SEC22B: variants seen among roughly 807,000 people sequenced by gnomAD.
SEC22B encodes vesicle-trafficking protein SEC22b.
SEC22B carries 10 observed loss-of-function variants against 31.4 expected under a neutral mutation model. The ratio of observed to expected loss-of-function variants is 0.32; its 90% CI spans 0.20 to 0.54. The LOEUF (loss-of-function observed/expected upper bound fraction) is 0.54, where lower values mean the gene tolerates loss of function less well. Ranked by LOEUF, SEC22B falls within the 20% of genes least tolerant of loss-of-function variation. The pLI is 0.94. For missense variants in SEC22B, 130 were observed against 263.4 expected, an observed-to-expected ratio of 0.49 and a Z score of 3.50; for synonymous variants, 60 against 95.9, an observed-to-expected ratio of 0.63 and a Z score of 2.19.
intron 2 of SEC22B, among the ~76,000 whole-genome samples, chr1:120,167,448 T>C: frequency 6.6e-6 from 1 of 152,048 alleles, no homozygotes; most frequent in Non-Finnish European, 1.5e-5. Flanking sequence ...CTGTTCATTT[T>C]CATATGTTCA....
rs1321292441 is a variant in SEC22B, at chr1:120,152,073, T to C, written c.*4965A>G. Reference sequence around the variant, plus strand: ...AACAGATATATATGAAGCAAAAAACTTGGGCCCAAAAAACAAGTTTGAAGG... The same window carrying C: ...AACAGATATATATGAAGCAAAAAACCTGGGCCCAAAAAACAAGTTTGAAGG... On this transcript the variant is annotated 3_prime_UTR_variant, in exon 5 of 5. Transcript: ENST00000578049. 1.3e-5 allele frequency: 2 copies of C among 152,196 alleles called. No homozygotes were observed. The highest frequency in any genetic ancestry group is 6.5e-5 in the Admixed American group (1 of 15,274). The allele number at this position is 152,196 out of a possible 1,614,324, so 9.4% of individuals were successfully genotyped here.
chr1:120,176,252 G>A, intron 1 of SEC22B, 55 bp downstream of exon 1: 1 of 1,550,228 alleles, frequency 6.5e-7, no homozygotes, highest in Non-Finnish European at 8.8e-7. Flanking sequence ...CCGATGCTGA[G>A]GGCAAAGCGC....
intron 2 of SEC22B, among the ~76,000 whole-genome samples, chr1:120,165,605 G>C (rs1325117708): frequency 6.6e-6 from 1 of 151,966 alleles, no homozygotes. Context: ...TTTAGTTTAA[G>C]TAGGAGTTTG....
Position 120,163,288 on chromosome 1 carries a change from C to G in SEC22B, c.268G>C (p.Asp90His), listed in dbSNP as rs1657748941. The stretch of plus-strand genomic sequence containing the variant: ...TGTTCATCAAATTCTGAGTGCAAAT[C>G]TTCTAGGTAGGCAAAAGCCAACTTC... Reference protein sequence around the residue: ...PKKLAFAYLEDLHSEFDEQHG... With the variant: ...PKKLAFAYLEHLHSEFDEQHG... Residue 90 changes from aspartate (D) to histidine (H), a missense_variant, in exon 3 of 5, where the codon GAT becomes CAT. Around this residue, in one of 4 missense-constraint regions of SEC22B, gnomAD observed 41 missense variants for 124.9 expected, o/e 0.33. Coordinates refer to ENST00000578049, the MANE Select transcript of SEC22B (RefSeq NM_004892.6). 1 of 1,601,536 alleles carries G rather than the reference C, an allele frequency of 6.2e-7. No individual in the cohort carries two copies. Among genetic ancestry groups the G allele is most frequent in the African/African-American group, 1.4e-5 (1 of 73,502 alleles).
At position 120,163,041 on chromosome 1, in the gene SEC22B, C is replaced by A. The variant is rs1416036734; in HGVS notation, c.346+169G>T. Among the ~76,000 whole-genome samples the A allele has an allele frequency of 2.0e-5, 3 of 152,044 alleles. No homozygotes were observed. In the South Asian group the frequency reaches 6.2e-4, roughly 31 times the overall value. On this transcript the variant is annotated intron_variant, in intron 3 of 4. Coordinates refer to ENST00000578049, the MANE Select transcript of SEC22B (RefSeq NM_004892.6). ...GAGAAAATTACTTTTCAGAACAAAG[C>A]CTTAGTCACTCAAAAAGACAAAAAG... is the stretch of plus-strand genomic sequence containing the variant.
chr1:120,165,851 G>A (rs1192434606), intron 2 of SEC22B, among the ~76,000 whole-genome samples: 3 of 150,248 alleles, frequency 2.0e-5, no homozygotes, highest in Admixed American at 6.6e-5. Flanking sequence ...TCTACTTTAA[G>A]TTGATTTTTG....
intron 1 of SEC22B, among the ~76,000 whole-genome samples, chr1:120,175,847 T>C (rs1286188729): frequency 9.8e-5 from 15 of 152,330 alleles, no homozygotes; most frequent in Non-Finnish European, 1.8e-4. Flanking sequence ...TAACAGGTGC[T>C]TTTATGTGGC....
rs1156557680 is a variant in SEC22B, at chr1:120,154,188, A to G, written c.*2850T>C. ...TCCTCATTGTTAAATTCGAAAATAC[A>G]TTCTTTGGTATTTATTTGACCTCTT... On this transcript the variant is annotated 3_prime_UTR_variant, in exon 5 of 5. Transcript: ENST00000578049. 1.3e-5 allele frequency: 2 copies of G among 151,764 alleles called. No individual in the cohort carries two copies. Among genetic ancestry groups the G allele is most frequent in the Non-Finnish European group, 2.9e-5 (2 of 67,862 alleles). 9.4% of individuals were successfully genotyped at this position (151,764 alleles called of 1,614,324 possible).
chr1:120,172,056 G>C (rs1268280968), intron 1 of SEC22B, among the ~76,000 whole-genome samples: 1 of 119,332 alleles, frequency 8.4e-6, no homozygotes. Flanking sequence ...GACTGGCCAA[G>C]ATGCTGAAAC....
In SEC22B at chr1:120,176,497, T is replaced by C. The variant is rs1277438099; in HGVS notation, c.-116A>G. 2.2e-6 allele frequency: 2 copies of C among 911,376 alleles called. No individual in the cohort carries two copies. Among genetic ancestry groups the C allele is most frequent in the Non-Finnish European group, 3.4e-6 (2 of 589,332 alleles). The allele number at this position is 911,376 out of a possible 1,614,324, so 56.5% of individuals were successfully genotyped here. The stretch of plus-strand genomic sequence containing the variant: ...CTCAGTTACCGGAGATCCAGCTGCT[T>C]GCGTCTCCGCTTCCCGCTGAGGTGG... On this transcript the variant is annotated 5_prime_UTR_variant, in exon 1 of 5. Transcript: ENST00000578049.
At chr1:120,175,829 C>G (rs1657951277) in intron 1 of SEC22B, among the ~76,000 whole-genome samples, 1 of 152,138 alleles carries the variant, frequency 6.6e-6, no homozygotes, top group Non-Finnish European at 1.5e-5. Context: ...ATGTGATGTA[C>G]TGAAATTTAA....
At chr1:120,172,696 A>G (rs1226290754) in intron 1 of SEC22B, among the ~76,000 whole-genome samples, 15 of 49,282 alleles carry the variant, frequency 3.0e-4, no homozygotes, top group Non-Finnish European at 3.7e-4. Context: ...TCAAAGTCAC[A>G]AAGGGCCCAC....
chr1:120,176,217 A>C, intron 1 of SEC22B, 90 bp downstream of exon 1: 1 of 1,270,886 alleles, frequency 7.9e-7, no homozygotes, highest in Non-Finnish European at 1.1e-6. Flanking sequence ...GAAGTCACAA[A>C]GGTCTCCCGG....
intron 1 of SEC22B, among the ~76,000 whole-genome samples, chr1:120,174,617 C>G (rs1346321748): frequency 6.8e-6 from 1 of 147,756 alleles, no homozygotes; most frequent in Non-Finnish European, 1.5e-5. Context: ...ATTAAGTAGA[C>G]TTTCAAGTTC....
In SEC22B at chr1:120,152,735, T is replaced by C. The variant is rs1158935721; in HGVS notation, c.*4303A>G. ...AATAATAAAAAGAAATTGCAAAAAATAACTTTTGAAAATAAACATACTAAT... is the reference window on the plus strand; with the variant it reads ...AATAATAAAAAGAAATTGCAAAAAACAACTTTTGAAAATAAACATACTAAT... On this transcript the variant is annotated 3_prime_UTR_variant, in exon 5 of 5. Coordinates refer to ENST00000578049, the MANE Select transcript of SEC22B (RefSeq NM_004892.6). The C allele has an allele frequency of 2.2e-5, 3 of 135,652 alleles. 1 individual carries two copies. Among genetic ancestry groups the C allele is most frequent in the African/African-American group, 1.1e-4 (3 of 28,064 alleles). 8.4% of individuals were successfully genotyped at this position (135,652 alleles called of 1,614,324 possible). A position where few individuals can be genotyped will look rare whatever the true frequency, so the allele number is the denominator to read the frequency against.
Position 120,160,401 on chromosome 1 carries a change from C to G in SEC22B, c.476G>C (p.Arg159Pro). The change falls in exon 4 of 5, where the codon CGA becomes CCA. Residue 159 changes from arginine to proline, a missense_variant. Physicochemically the swap from Arg to Pro is moderately radical, Grantham distance 103. Around this residue, in one of 4 missense-constraint regions of SEC22B, gnomAD observed 53 missense variants for 63.3 expected, o/e 0.84. Coordinates refer to ENST00000578049, the MANE Select transcript of SEC22B (RefSeq NM_004892.6). ...MVANIEEVLQ[R>P]GEALSALDSK... ...TTAGATACCTGAGAGTGCTTCTCCT[C>G]GTTGTAACACTTCTTCAATATTGGC... is the stretch of plus-strand genomic sequence containing the variant. 2 of 1,611,452 alleles carry G rather than the reference C, an allele frequency of 1.2e-6. No individual in the cohort carries two copies. The highest frequency in any genetic ancestry group is 3.3e-5 in the Admixed American group (2 of 59,706).
In SEC22B at chr1:120,152,147, A is replaced by G. The variant is rs1200257529; in HGVS notation, c.*4891T>C. 9 of 151,776 alleles carry G rather than the reference A, an allele frequency of 5.9e-5. No individual in the cohort carries two copies. The highest frequency in any genetic ancestry group is 1.2e-4 in the Non-Finnish European group (8 of 67,878). 9.4% of individuals were successfully genotyped at this position (151,776 alleles called of 1,614,324 possible). A position where few individuals can be genotyped will look rare whatever the true frequency, so the allele number is the denominator to read the frequency against. ...ATAGGTAACTGTTGAAGCTCTAAATATAGAAGACAAACTAGAGGAGCTTGT... is the reference window on the plus strand; with the variant it reads ...ATAGGTAACTGTTGAAGCTCTAAATGTAGAAGACAAACTAGAGGAGCTTGT... On this transcript the variant is annotated 3_prime_UTR_variant, in exon 5 of 5. Transcript: ENST00000578049.
In SEC22B at chr1:120,168,649, T is replaced by C. The variant is rs1657849102; in HGVS notation, c.185+191A>G. ...ACAGCATAGACACATGTTAACAGGT[T>C]AAATTACTGTAAGCATGCTGAAAAA... is the stretch of plus-strand genomic sequence containing the variant. On this transcript the variant is annotated intron_variant, in intron 2 of 4. Transcript: ENST00000578049. 3.3e-5 allele frequency among the ~76,000 whole-genome samples: 5 copies of C among 150,734 alleles called. No individual in the cohort carries two copies. The South Asian group carries it at 8.4e-4, about 25-fold the overall frequency.
intron 1 of SEC22B, among the ~76,000 whole-genome samples, chr1:120,171,914 G>A (rs1450150129): frequency 2.0e-5 from 3 of 151,450 alleles, no homozygotes; most frequent in Non-Finnish European, 4.4e-5. Context: ...CCAGTGTATC[G>A]ATTATGTGCA....
Sources: allele counts gnomAD v4.1 joint callset (sites outside exome capture counted in the v4.1 genomes callset), GRCh38; gene constraint gnomAD v4.1.1; regional missense constraint gnomAD v4.1.1; transcripts MANE v1.5; gene names NCBI Gene and HGNC (gene_info 2026-07-23, HGNC 2026-07-21).